The following KLF8 variants were observed in gnomAD, a reference collection of about 807,000 sequenced individuals.
The protein encoded by KLF8 is KLF transcription factor 8.
KLF8 carries 10 observed loss-of-function variants against 18.2 expected under a neutral mutation model. The ratio of observed to expected loss-of-function variants is 0.55; its 90% confidence interval spans 0.34 to 0.93. KLF8 has a LOEUF of 0.93. Ranked by LOEUF, KLF8 falls within the 40% of genes least tolerant of loss-of-function variation. The pLI, the probability that KLF8 is intolerant of heterozygous loss-of-function variation, is 0.02. For synonymous variants in KLF8, 109 were observed against 97.3 expected (o/e 1.12, Z -0.71); for missense variants, 264 against 277.9 (o/e 0.95, Z 0.36).
the KLF8 span, among the ~76,000 whole-genome samples, chrX:55,991,853 A>G: frequency 8.9e-6 from 1 of 112,453 alleles, no homozygotes; most frequent in African/African-American, 3.2e-5. Flanking sequence ...TCTAATGATT[A>G]GTGATGCTTA....
the KLF8 span, among the ~76,000 whole-genome samples, chrX:56,123,263 AAG>A: frequency 2.8e-5 from 2 of 71,021 alleles, no homozygotes; most frequent in Non-Finnish European, 5.3e-5. Flanking sequence ...AAAAGAAAGA[AAG>A]AAAGAAAAAG....
At chrX:55,961,694 C>A in the KLF8 span, 1 of 400,796 alleles carries the variant, frequency 2.5e-6, no homozygotes, top group Non-Finnish European at 4.7e-6. Flanking sequence ...AAATCACACA[C>A]CCATCTTCAG....
At chrX:56,216,719 C>T in the KLF8 span, among the ~76,000 whole-genome samples, 4 of 109,836 alleles carry the variant, frequency 3.6e-5, no homozygotes, top group Non-Finnish European at 7.6e-5. Flanking sequence ...TATAGTGTGG[C>T]CCCTTCCTTT....
chrX:56,142,838 G>T, the KLF8 span, among the ~76,000 whole-genome samples: 4 of 111,814 alleles, frequency 3.6e-5, no homozygotes, highest in Non-Finnish European at 7.5e-5. Flanking sequence ...GCATACTGAG[G>T]AAATTCTGCC....
At chrX:56,011,394 G>A in the KLF8 span, among the ~76,000 whole-genome samples, 1 of 111,955 alleles carries the variant, frequency 8.9e-6, no homozygotes, top group Non-Finnish European at 1.9e-5. Context: ...TGAAATTAAG[G>A]TAGAAAAGAA....
the KLF8 span, among the ~76,000 whole-genome samples, chrX:56,153,732 T>C: frequency 9.0e-6 from 1 of 111,334 alleles, no homozygotes; most frequent in South Asian, 3.8e-4. Context: ...TTCAGCGAAG[T>C]CTCAGGATAC....
chrX:56,009,645 A>G, the KLF8 span, among the ~76,000 whole-genome samples: 1 of 112,074 alleles, frequency 8.9e-6, no homozygotes, highest in Non-Finnish European at 1.9e-5. Flanking sequence ...TCAGAAGGTG[A>G]GTGATAATGA....
chrX:56,133,519 G>A, the KLF8 span, among the ~76,000 whole-genome samples: 5 of 111,514 alleles, frequency 4.5e-5, no homozygotes, highest in Non-Finnish European at 9.4e-5. Flanking sequence ...ATGCCTCAAT[G>A]TAATAAAGTC....
At chrX:55,935,091 G>A in the KLF8 span, among the ~76,000 whole-genome samples, 44 of 112,265 alleles carry the variant, frequency 3.9e-4, no homozygotes, top group African/African-American at 1.1e-3. Flanking sequence ...CAGTCATGGC[G>A]TATAAAAAGT....
In KLF8 at chrX:56,291,080, G is replaced by A. The variant is rs2067317989; in HGVS notation, c.*6586G>A. Among the ~76,000 whole-genome samples, 1 of 111,657 alleles carries A rather than the reference G, an allele frequency of 9.0e-6. No individual in the cohort carries two copies. Among genetic ancestry groups the A allele is most frequent in the Admixed American group, 9.5e-5 (1 of 10,486 alleles). On this transcript the variant is annotated 3_prime_UTR_variant, in exon 6 of 6. Coordinates refer to ENST00000468660, the MANE Select transcript of KLF8 (RefSeq NM_007250.5). ...TTTTTTGACAGGCAGTCACACAGGT[G>A]AGCAGTGCCAGAAACTGGTTCTCTT...
At chrX:55,920,326 C>CA in the KLF8 span, among the ~76,000 whole-genome samples, 52 of 110,307 alleles carry the variant, frequency 4.7e-4, no homozygotes, top group East Asian at 1.7e-3. Context: ...GAGAAGGATA[C>CA]AAAAAAAACA....
At chrX:56,173,402 T>G in the KLF8 span, among the ~76,000 whole-genome samples, 21 of 111,784 alleles carry the variant, frequency 1.9e-4, no homozygotes, top group African/African-American at 6.2e-4. Context: ...AAAGATCAGA[T>G]AGTGGTAGAT....
chrX:56,199,524 A>T, the KLF8 span, among the ~76,000 whole-genome samples: 1 of 111,874 alleles, frequency 8.9e-6, no homozygotes, highest in African/African-American at 3.2e-5. Context: ...TGTAAATCAA[A>T]ATCCCAATAC....
the KLF8 span, among the ~76,000 whole-genome samples, chrX:56,188,939 C>A: frequency 1.4e-4 from 16 of 111,688 alleles, no homozygotes; most frequent in Admixed American, 1.3e-3. Flanking sequence ...CTAGGCAATA[C>A]CATTCAGGAC....
chrX:55,925,396 G>A, the KLF8 span, among the ~76,000 whole-genome samples: 1 of 109,304 alleles, frequency 9.1e-6, no homozygotes. Flanking sequence ...CACTACACAC[G>A]CATGCACACA....
chrX:55,973,493 T>G, the KLF8 span, among the ~76,000 whole-genome samples: 6 of 111,386 alleles, frequency 5.4e-5, no homozygotes, highest in Admixed American at 1.9e-4. Context: ...ATAAGGAACT[T>G]AAATTAACAA....
the KLF8 span, among the ~76,000 whole-genome samples, chrX:56,191,600 T>C: frequency 9.0e-6 from 1 of 111,494 alleles, no homozygotes; most frequent in African/African-American, 3.2e-5. Context: ...AGATCTTTCA[T>C]CTTAACCATC....
the KLF8 span, among the ~76,000 whole-genome samples, chrX:56,058,279 C>CATATATATATATAT: frequency 2.7e-4 from 2 of 7,307 alleles, no homozygotes; most frequent in Admixed American, 1.8e-3. Context: ...CATATATATA[C>CATATATATATATAT]ATATATATAT....
At chrX:55,940,070 CAAA>C in the KLF8 span, among the ~76,000 whole-genome samples, 28 of 110,386 alleles carry the variant, frequency 2.5e-4, no homozygotes, top group Admixed American at 2.6e-3. Context: ...AGAGACACAA[CAAA>C]AAAAACAGAT....
Sources: allele counts gnomAD v4.1 joint callset (sites outside exome capture counted in the v4.1 genomes callset), GRCh38; gene constraint gnomAD v4.1.1; transcripts MANE v1.5; gene names NCBI Gene and HGNC (gene_info 2026-07-23, HGNC 2026-07-21).